DRC4: variants seen among roughly 807,000 people sequenced by gnomAD.
The protein encoded by DRC4 is dynein regulatory complex subunit 4.
chr16:90,020,000 A>G, the DRC4 span: 6 of 699,910 alleles, frequency 8.6e-6, no homozygotes, highest in Non-Finnish European at 1.6e-5. The surrounding 1 kb of genome is among the most constrained non-coding windows in gnomAD (Gnocchi z 6.1). Flanking sequence ...AGAGAGCGCC[A>G]AGGCAGTTTC....
the DRC4 span, among the ~76,000 whole-genome samples, chr16:90,031,011 C>A: frequency 6.6e-6 from 1 of 152,112 alleles, no homozygotes; most frequent in African/African-American, 2.4e-5. Flanking sequence ...GCAAGATGCT[C>A]TTATATTTCT....
At chr16:90,027,674 C>T in the DRC4 span, 2 of 1,614,208 alleles carry the variant, frequency 1.2e-6, no homozygotes, top group Non-Finnish European at 1.7e-6. Context: ...AAGCCAAAGG[C>T]ACCCCGATTG....
At chr16:90,032,781 G>C in the DRC4 span, 2 of 1,613,962 alleles carry the variant, frequency 1.2e-6, no homozygotes. Context: ...AGAGATGAAG[G>C]CTGAGGGCAC....
the DRC4 span, among the ~76,000 whole-genome samples, chr16:90,041,872 A>G: frequency 0.061 from 9,257 of 152,206 alleles, 727 homozygotes; most frequent in African/African-American, 0.19. Context: ...TTTAGTGACC[A>G]GTCTCCACAG....
chr16:90,033,552 G>A, the DRC4 span, among the ~76,000 whole-genome samples: 1 of 152,186 alleles, frequency 6.6e-6, no homozygotes, highest in African/African-American at 2.4e-5. Context: ...GATAGTTTCA[G>A]CTACTTGGGA....
the DRC4 span, chr16:90,031,472 G>A: frequency 6.3e-7 from 1 of 1,576,824 alleles, no homozygotes; most frequent in Non-Finnish European, 8.6e-7. Context: ...AAGAAGCCGA[G>A]GAGAGGCACC....
At chr16:90,029,137 C>G in the DRC4 span, 1 of 1,220,872 alleles carries the variant, frequency 8.2e-7, no homozygotes, top group East Asian at 6.8e-5. Flanking sequence ...GGCCATGGAG[C>G]CTACGGGGCA....
the DRC4 span, among the ~76,000 whole-genome samples, chr16:90,034,996 C>T: frequency 3.3e-5 from 5 of 149,388 alleles, no homozygotes; most frequent in African/African-American, 7.4e-5. Context: ...CTCTGCCTCC[C>T]GGGTTCAAGC....
chr16:90,036,665 C>A, the DRC4 span: 1 of 1,249,026 alleles, frequency 8.0e-7, no homozygotes, highest in Non-Finnish European at 1.1e-6. Flanking sequence ...GGGATCCAGA[C>A]CCCAGCTCTC....
chr16:90,028,339 C>G, the DRC4 span, among the ~76,000 whole-genome samples: 2 of 151,866 alleles, frequency 1.3e-5, no homozygotes, highest in African/African-American at 4.8e-5. Flanking sequence ...CACCTGCCAC[C>G]ACGCCTGGCT....
the DRC4 span, among the ~76,000 whole-genome samples, chr16:90,034,482 C>T: frequency 4.6e-5 from 7 of 151,958 alleles, no homozygotes; most frequent in Admixed American, 1.3e-4. Context: ...ATTAGCCGGG[C>T]GTGGTGGCGC....
At chr16:90,024,597 G>C in the DRC4 span, among the ~76,000 whole-genome samples, 6 of 152,268 alleles carry the variant, frequency 3.9e-5, no homozygotes, top group African/African-American at 1.4e-4. Flanking sequence ...AGGGAGGAGA[G>C]ACAAGGCTCA....
chr16:90,028,953 A>G, the DRC4 span: 7 of 1,303,384 alleles, frequency 5.4e-6, no homozygotes, highest in Non-Finnish European at 2.0e-6. Flanking sequence ...AACCATTGGC[A>G]GTTTAAGCCA....
the DRC4 span, chr16:90,036,483 A>G: frequency 6.2e-7 from 1 of 1,614,212 alleles, no homozygotes. Flanking sequence ...AAGAATGGCC[A>G]GATCCACACG....
At chr16:90,039,543 G>A in the DRC4 span, among the ~76,000 whole-genome samples, 2 of 151,710 alleles carry the variant, frequency 1.3e-5, no homozygotes, top group African/African-American at 2.4e-5. Flanking sequence ...CTGCCACCAC[G>A]CCCGGCTAAT....
chr16:90,042,896 A>T, the DRC4 span: 1 of 504,786 alleles, frequency 2.0e-6, no homozygotes, highest in African/African-American at 1.9e-5. Context: ...TGAGTGGGAA[A>T]CACCCAGCCA....
the DRC4 span, among the ~76,000 whole-genome samples, chr16:90,038,235 G>C: frequency 6.6e-6 from 1 of 152,162 alleles, no homozygotes; most frequent in Non-Finnish European, 1.5e-5. Flanking sequence ...ATGAGTCTCC[G>C]GCTGCTCAGT....
the DRC4 span, chr16:90,036,086 C>T: frequency 1.8e-5 from 11 of 604,630 alleles, no homozygotes; most frequent in African/African-American, 5.5e-5. Flanking sequence ...ACACAGGCCT[C>T]GGTTACTGCT....
the DRC4 span, chr16:90,044,301 G>C: frequency 2.3e-6 from 1 of 429,214 alleles, no homozygotes; most frequent in South Asian, 1.6e-5. Context: ...CTGGGCAGGT[G>C]AGTGACGGGT....
Sources: gnomAD v4.1 joint callset for allele counts (sites outside exome capture counted in the v4.1 genomes callset) on GRCh38, gnomAD v4.1.1 for gene constraint, Gnocchi (gnomAD v3.1) non-coding constraint, MANE v1.5 for transcripts, NCBI Gene and HGNC (gene_info 2026-07-23, HGNC 2026-07-21) for gene names.